SCN8A: variants seen among roughly 807,000 people sequenced by gnomAD.
SCN8A encodes the protein sodium channel protein type 8 subunit alpha.
Under a neutral mutation model 184.1 loss-of-function variants are expected in SCN8A, and 30 were observed. The observed-to-expected ratio is 0.16, with a 90% CI of 0.12 to 0.22. SCN8A has a LOEUF of 0.22. SCN8A is among the 10% of genes least tolerant of loss of function. The probability of loss-of-function intolerance (pLI) is 1.00; values close to 1 mark genes in which losing one functional copy is unlikely to be tolerated. For synonymous variants in SCN8A, 852 were observed against 907.0 expected (o/e 0.94, Z 1.09); for missense variants, 1,057 against 2,498.9 (o/e 0.42, Z 12.30).
At chr12:51,779,254 A>C (rs923098012) in intron 20 of SCN8A, among the ~76,000 whole-genome samples, 1 of 151,140 alleles carries the variant, frequency 6.6e-6, no homozygotes, top group Non-Finnish European at 1.5e-5. Context: ...CCCAGACCCC[A>C]AACATTCTGG....
At chr12:51,644,827 G>A (rs1940531667) in intron 1 of SCN8A, among the ~76,000 whole-genome samples, 1 of 152,076 alleles carries the variant, frequency 6.6e-6, no homozygotes, top group Non-Finnish European at 1.5e-5. Flanking sequence ...TCTGGGAAGT[G>A]AGGAGCATCT....
At chr12:51,691,312 C>T (rs1430043150) in intron 6 of SCN8A, among the ~76,000 whole-genome samples, 1 of 152,184 alleles carries the variant, frequency 6.6e-6, no homozygotes, top group Non-Finnish European at 1.5e-5. Context: ...TAGCTCATAG[C>T]TTCTGTCTCT....
chr12:51,748,106 G>A (rs1260486454), intron 13 of SCN8A, among the ~76,000 whole-genome samples: 2 of 152,170 alleles, frequency 1.3e-5, no homozygotes, highest in African/African-American at 4.8e-5. Context: ...ATGGCTGACC[G>A]GAATCACGTA....
intron 12 of SCN8A, among the ~76,000 whole-genome samples, chr12:51,736,237 T>C (rs945413325): frequency 4.6e-5 from 7 of 152,196 alleles, no homozygotes; most frequent in South Asian, 4.1e-4. Context: ...GCATTCTCTG[T>C]TTTAATAGAA....
intron 11 of SCN8A, chr12:51,712,991 C>G: frequency 6.3e-7 from 1 of 1,589,412 alleles, no homozygotes; most frequent in Non-Finnish European, 8.6e-7. Context: ...GACTGCATCT[C>G]TTGTTTAGAA....
intron 1 of SCN8A, among the ~76,000 whole-genome samples, chr12:51,609,250 A>G (rs946186113): frequency 1.3e-5 from 2 of 152,226 alleles, no homozygotes; most frequent in African/African-American, 4.8e-5. Context: ...TGTTAAGTCC[A>G]TTTATTCCAA....
chr12:51,663,902 G>GCTTTT (rs1940974819), intron 2 of SCN8A, among the ~76,000 whole-genome samples: 1 of 58,736 alleles, frequency 1.7e-5, no homozygotes, highest in African/African-American at 4.2e-5. Context: ...TCATTTGACA[G>GCTTTT]ATTTTTTTTT....
At chr12:51,748,155 C>G (rs1210270694) in intron 13 of SCN8A, among the ~76,000 whole-genome samples, 1 of 152,168 alleles carries the variant, frequency 6.6e-6, no homozygotes, top group Admixed American at 6.5e-5. Flanking sequence ...AACCATTGGT[C>G]CCTCTGTATT....
intron 1 of SCN8A, among the ~76,000 whole-genome samples, chr12:51,647,634 G>A (rs1288494216): frequency 1.3e-5 from 2 of 152,178 alleles, no homozygotes; most frequent in Non-Finnish European, 2.9e-5. Flanking sequence ...AGTTTTTAAT[G>A]TTTAAAATGA....
intron 22 of SCN8A, among the ~76,000 whole-genome samples, chr12:51,788,089 AT>A (rs1938136253): frequency 6.6e-6 from 1 of 152,212 alleles, no homozygotes; most frequent in African/African-American, 2.4e-5. Context: ...TGAATAGTAC[AT>A]GGATTATCCA....
chr12:51,741,970 C>G (rs1377225523), intron 12 of SCN8A, among the ~76,000 whole-genome samples: 1 of 152,196 alleles, frequency 6.6e-6, no homozygotes, highest in Non-Finnish European at 1.5e-5. Flanking sequence ...TCCTAGAGTG[C>G]TGGGATTACA....
At chr12:51,677,056 GTTTTATTTTA>G (rs58540656) in intron 2 of SCN8A, among the ~76,000 whole-genome samples, 16,107 of 132,980 alleles carry the variant, frequency 0.12, 1,153 homozygotes, top group African/African-American at 0.21. Flanking sequence ...TTATTGTTTT[GTTTTATTTTA>G]TTTTATTTTA....
intron 2 of SCN8A, among the ~76,000 whole-genome samples, chr12:51,676,510 A>G (rs571773490): frequency 6.6e-6 from 1 of 152,314 alleles, no homozygotes; most frequent in South Asian, 2.1e-4. Flanking sequence ...GGCTGTATGC[A>G]TACTCAGAAA....
At chr12:51,769,475 C>A in intron 17 of SCN8A, 140 bp downstream of exon 17, 1 of 636,116 alleles carries the variant, frequency 1.6e-6, no homozygotes, top group Non-Finnish European at 2.7e-6. Context: ...ATTCCACCAT[C>A]CCAGTATCAT....
rs1378023882 is a variant in SCN8A, at chr12:51,769,890, C to T, written c.3395C>T (p.Ser1132Phe). 1.2e-6 allele frequency: 2 copies of T among 1,604,282 alleles called. No homozygotes were observed. Among genetic ancestry groups the T allele is most frequent in the Non-Finnish European group, 1.7e-6 (2 of 1,175,496 alleles). The change falls in exon 18 of 27, where the codon TCT becomes TTT. Residue 1132 changes from serine (S) to phenylalanine (F), a missense_variant. Ser to Phe is a radical substitution (Grantham distance 155, BLOSUM62 -2). Coordinates refer to ENST00000627620, the MANE Select transcript of SCN8A (RefSeq NM_001330260.2). The stretch of plus-strand genomic sequence containing the variant: ...TAGAAACTAGATGACACCAGCTCCT[C>T]TGAAGGAAGCACCATTGATATCAAA... The part of the protein sequence containing the change: ...SKDKLDDTSS[S>F]EGSTIDIKPE...
intron 2 of SCN8A, among the ~76,000 whole-genome samples, chr12:51,674,211 C>T (rs1323308871): frequency 4.6e-5 from 7 of 152,190 alleles, no homozygotes; most frequent in East Asian, 1.9e-4. Context: ...CTTTGGGACC[C>T]ATTTTGAGCT....
rs148502866 is a variant in SCN8A, at chr12:51,632,581, G to A, written c.-54-30183G>A. Among the ~76,000 whole-genome samples the A allele has an allele frequency of 2.1e-3, 324 of 152,274 alleles. 1 individual carries two copies. Among genetic ancestry groups the A allele is most frequent in the Middle Eastern group, 6.8e-3 (2 of 294 alleles). On this transcript the variant is annotated intron_variant, in intron 1 of 26. Coordinates refer to ENST00000627620, the MANE Select transcript of SCN8A (RefSeq NM_001330260.2). The stretch of plus-strand genomic sequence containing the variant: ...CAAGCATTGTCCACAACCTAGGGTC[G>A]TATCATAACAGTTCTTTTGGCTGAC...
At chr12:51,747,429 C>T (rs2196851) in intron 13 of SCN8A, among the ~76,000 whole-genome samples, 1 of 151,974 alleles carries the variant, frequency 6.6e-6, no homozygotes, top group African/African-American at 2.4e-5. Flanking sequence ...AAATCCTAGC[C>T]TAAGAACTTT....
intron 12 of SCN8A, among the ~76,000 whole-genome samples, chr12:51,729,334 C>A (rs964859945): frequency 6.6e-6 from 1 of 152,196 alleles, no homozygotes. Flanking sequence ...CTACCCGTTT[C>A]TAATCAGTTC....
Sources: gnomAD v4.1 joint callset for allele counts (sites outside exome capture counted in the v4.1 genomes callset) on GRCh38, gnomAD v4.1.1 for gene constraint, MANE v1.5 for transcripts, NCBI Gene and HGNC (gene_info 2026-07-23, HGNC 2026-07-21) for gene names.